The following FNDC3A variants were observed in gnomAD, a reference collection of about 807,000 sequenced individuals.
FNDC3A encodes fibronectin type-III domain-containing protein 3A.
Under a neutral mutation model 148.9 loss-of-function variants are expected in FNDC3A, and 32 were observed. That is an observed-to-expected ratio of 0.21 (90% CI 0.16 to 0.29). The LOEUF (loss-of-function observed/expected upper bound fraction) is 0.29. Among genes scored for constraint, FNDC3A ranks in the 10% least tolerant of loss-of-function variants. The pLI is 1.00. For synonymous variants in FNDC3A, 472 were observed against 473.6 expected (o/e 1.00, Z 0.04); for missense variants, 1,191 against 1,452.8 (o/e 0.82, Z 2.93).
Position 49,190,672 on chromosome 13 carries a change from G to C in FNDC3A, c.1945-343G>C, listed in dbSNP as rs58372993. On this transcript the variant is annotated intron_variant, in intron 17 of 25. Coordinates refer to ENST00000492622, the MANE Select transcript of FNDC3A (RefSeq NM_001079673.2). ...GAAGAGATTTATGGATCCTTTTGGAGAAGATCAAAAATATTGCCCATTAAA... is the reference window on the plus strand; with the variant it reads ...GAAGAGATTTATGGATCCTTTTGGACAAGATCAAAAATATTGCCCATTAAA... Among the ~76,000 whole-genome samples the C allele has an allele frequency of 9.5e-3, 1,445 of 152,280 alleles. 14 individuals are homozygous for C. The highest frequency in any genetic ancestry group is 0.023 in the African/African-American group (938 of 41,554).
At chr13:49,130,211 C>T (rs1208227132) in intron 4 of FNDC3A, among the ~76,000 whole-genome samples, 1 of 150,948 alleles carries the variant, frequency 6.6e-6, no homozygotes, top group Non-Finnish European at 1.5e-5. Flanking sequence ...CGGTGTAATT[C>T]CTGTTTTTTG....
chr13:49,172,713 A>G (rs1482543670), intron 11 of FNDC3A, among the ~76,000 whole-genome samples: 1 of 152,190 alleles, frequency 6.6e-6, no homozygotes, highest in South Asian at 2.1e-4. Context: ...ATAATCCAGG[A>G]TAAGCTCCTA....
At chr13:49,207,002 A>G (rs1269696223) in intron 25 of FNDC3A, 79 bp from the exon 26 acceptor site, 11 of 1,024,060 alleles carry the variant, frequency 1.1e-5, no homozygotes, top group Admixed American at 2.1e-5. Flanking sequence ...ATGAAAAACA[A>G]TTCTAACACT....
chr13:49,144,776 A>T (rs1224591035), intron 7 of FNDC3A, among the ~76,000 whole-genome samples: 1 of 152,222 alleles, frequency 6.6e-6, no homozygotes, highest in Non-Finnish European at 1.5e-5. Context: ...CAATTGGTAC[A>T]TTTGTACAGT....
chr13:49,132,184 T>C (rs1007216762), intron 5 of FNDC3A, among the ~76,000 whole-genome samples: 2 of 152,172 alleles, frequency 1.3e-5, no homozygotes, highest in African/African-American at 2.4e-5. Flanking sequence ...CCACTGCCAC[T>C]CAAATCCATC....
rs150097324 is a variant in FNDC3A at position 48,979,537 on chromosome 13, A to G, written c.-40+3360A>G. On this transcript the variant is annotated intron_variant, in intron 1 of 25. Coordinates refer to ENST00000492622, the MANE Select transcript of FNDC3A (RefSeq NM_001079673.2). ...GGACAGAAATTGGGACGAAGAAAGA[A>G]AGAAAGTTAGGTCGAGATGTTAGCT... Among the ~76,000 whole-genome samples the G allele has an allele frequency of 2.0e-3, 312 of 152,288 alleles. 2 individuals are homozygous for G. The highest frequency in any genetic ancestry group is 7.1e-3 in the African/African-American group (296 of 41,580).
rs543836593 is a variant in FNDC3A, at chr13:49,161,237, A to G, written c.978-6007A>G. 2.0e-3 allele frequency among the ~76,000 whole-genome samples: 312 copies of G among 152,286 alleles called. 3 individuals are homozygous for G. Among genetic ancestry groups the G allele is most frequent in the African/African-American group, 7.1e-3 (296 of 41,542 alleles). On this transcript the variant is annotated intron_variant, in intron 8 of 25. Coordinates refer to ENST00000492622, the MANE Select transcript of FNDC3A (RefSeq NM_001079673.2). ...CAGTGGGGTGTTAAAGTCTCCCATTATTAATGTGTGGGAGTCTAAGTCTCT... is the reference window on the plus strand; with the variant it reads ...CAGTGGGGTGTTAAAGTCTCCCATTGTTAATGTGTGGGAGTCTAAGTCTCT...
At position 49,017,962 on chromosome 13, in the gene FNDC3A, G is replaced by C. The variant is rs147199777; in HGVS notation, c.99+11673G>C. On this transcript the variant is annotated intron_variant, in intron 2 of 25. Transcript: ENST00000492622. ...TCTTCTGGCTTGTAGAGTTTCTGCCGAGAGATCCGCTGGTAGTCTGATGGG... is the reference window on the plus strand; with the variant it reads ...TCTTCTGGCTTGTAGAGTTTCTGCCCAGAGATCCGCTGGTAGTCTGATGGG... Among the ~76,000 whole-genome samples the C allele has an allele frequency of 1.1e-4, 16 of 152,222 alleles. No individual in the cohort carries two copies. In the East Asian group the frequency reaches 3.1e-3, roughly 29 times the overall value.
At chr13:48,995,924 A>AAT (rs1952015438) in intron 1 of FNDC3A, among the ~76,000 whole-genome samples, 1 of 152,226 alleles carries the variant, frequency 6.6e-6, no homozygotes, top group South Asian at 2.1e-4. Flanking sequence ...TTAGTCTAAT[A>AAT]TAGTCAAGTT....
chr13:49,187,510 A>C, intron 16 of FNDC3A: 1 of 1,600,022 alleles, frequency 6.2e-7, no homozygotes, highest in South Asian at 1.1e-5. Flanking sequence ...TCTTACTACA[A>C]GAAAGGGTGT....
rs533344572 is a variant in FNDC3A, at chr13:49,090,408, C to T, written c.175+15044C>T. On this transcript the variant is annotated intron_variant, in intron 3 of 25. Transcript: ENST00000492622. ...CAGCCTGGGTGACAGAGCGAGACTC[C>T]GTCTCAAAAACAAAACAAAACAAAA... Among the ~76,000 whole-genome samples, 7 of 151,946 alleles carry T rather than the reference C, an allele frequency of 4.6e-5. No individual in the cohort carries two copies. The South Asian group carries it at 1.5e-3, about 32-fold the overall frequency.
intron 10 of FNDC3A, among the ~76,000 whole-genome samples, chr13:49,170,277 A>G (rs1264017173): frequency 2.6e-5 from 4 of 152,328 alleles, no homozygotes; most frequent in South Asian, 2.1e-4. Context: ...TAAATCGCCC[A>G]TAGTATAATG....
At chr13:49,009,743 G>A (rs1030330265) in intron 2 of FNDC3A, among the ~76,000 whole-genome samples, 2 of 152,188 alleles carry the variant, frequency 1.3e-5, no homozygotes, top group African/African-American at 4.8e-5. Context: ...GAAGATTTCA[G>A]ATGTTTTAGT....
chr13:49,167,535 T>C (rs909217530), intron 9 of FNDC3A, among the ~76,000 whole-genome samples: 2 of 151,964 alleles, frequency 1.3e-5, no homozygotes, highest in Non-Finnish European at 2.9e-5. Flanking sequence ...TGAGACCCTA[T>C]CTCGACAAAG....
At chr13:49,016,720 C>T (rs1426241439) in intron 2 of FNDC3A, among the ~76,000 whole-genome samples, 1 of 152,060 alleles carries the variant, frequency 6.6e-6, no homozygotes, top group Non-Finnish European at 1.5e-5. Context: ...ATCTTTCCTG[C>T]TTCCTCTTGT....
chr13:49,117,383 T>A (rs1881037586), intron 4 of FNDC3A, among the ~76,000 whole-genome samples: 1 of 152,230 alleles, frequency 6.6e-6, no homozygotes. Context: ...TCTCACATGC[T>A]TACTTGGTGT....
At position 49,075,488 on chromosome 13, in the gene FNDC3A, A is replaced by G. The variant is rs1370257986; in HGVS notation, c.175+124A>G. Reference sequence around the variant, plus strand: ...TCACTACCAGCACACAAAAGCATAAACTCTGATATCTTAGCATTTAAGTAT... The same window carrying G: ...TCACTACCAGCACACAAAAGCATAAGCTCTGATATCTTAGCATTTAAGTAT... On this transcript the variant is annotated intron_variant, in intron 3 of 25. Transcript: ENST00000492622. The G allele has an allele frequency of 6.8e-6, 4 of 590,632 alleles. No homozygotes were observed. The South Asian group carries it at 9.6e-5, about 14-fold the overall frequency. 36.6% of individuals were successfully genotyped at this position (590,632 alleles called of 1,614,324 possible).
At chr13:49,198,340 T>C in intron 22 of FNDC3A, 22 bp from the exon 23 acceptor site, 1 of 1,612,162 alleles carries the variant, frequency 6.2e-7, no homozygotes, top group African/African-American at 1.3e-5. Context: ...TAACCAAACT[T>C]TTTTTCTTAT....
intron 8 of FNDC3A, among the ~76,000 whole-genome samples, chr13:49,159,396 T>G (rs1416806553): frequency 1.3e-5 from 2 of 152,166 alleles, no homozygotes; most frequent in Admixed American, 6.5e-5. Flanking sequence ...TGAATGGGAG[T>G]TCACTCATGA....
Sources: allele counts gnomAD v4.1 joint callset (sites outside exome capture counted in the v4.1 genomes callset), GRCh38; gene constraint gnomAD v4.1.1; transcripts MANE v1.5; gene names NCBI Gene and HGNC (gene_info 2026-07-23, HGNC 2026-07-21).